PHKB: variants seen among roughly 807,000 people sequenced by gnomAD.
PHKB encodes phosphorylase kinase regulatory subunit beta, also known as phosphorylase b kinase regulatory subunit beta.
PHKB carries 122 observed loss-of-function variants against 152.1 expected under a neutral mutation model. The observed-to-expected ratio is 0.80, with a 90% confidence interval of 0.69 to 0.93. The LOEUF is 0.93. PHKB is among the 40% of genes least tolerant of loss of function. The pLI is 0.00. For synonymous variants in PHKB, 436 were observed against 464.9 expected, an observed-to-expected ratio of 0.94 and a Z score of 0.80; for missense variants, 1,304 against 1,328.4, an observed-to-expected ratio of 0.98 and a Z score of 0.29.
At chr16:47,491,258 A>T (rs145729204) in intron 1 of PHKB, among the ~76,000 whole-genome samples, 2 of 152,124 alleles carry the variant, frequency 1.3e-5, no homozygotes, top group Non-Finnish European at 2.9e-5. Flanking sequence ...AAGGAAGTAT[A>T]TGTCCCTTAC....
At chr16:47,607,899 C>A (rs1017050835) in intron 13 of PHKB, among the ~76,000 whole-genome samples, 3 of 151,964 alleles carry the variant, frequency 2.0e-5, no homozygotes, top group Non-Finnish European at 2.9e-5. Flanking sequence ...GAAGTGATAC[C>A]TCATTGTGGT....
At chr16:47,629,734 T>C (rs964975381) in intron 14 of PHKB, among the ~76,000 whole-genome samples, 6 of 152,332 alleles carry the variant, frequency 3.9e-5, no homozygotes, top group African/African-American at 1.4e-4. Flanking sequence ...CGTATGTTTA[T>C]TGCGGCATTA....
chr16:47,500,039 A>G, intron 3 of PHKB, 145 bp downstream of exon 3: 1 of 880,088 alleles, frequency 1.1e-6, no homozygotes, highest in East Asian at 2.4e-5. Context: ...TTAGGCCTCT[A>G]AACCTTTTCA....
intron 14 of PHKB, among the ~76,000 whole-genome samples, chr16:47,636,209 G>A (rs1170031791): frequency 2.0e-5 from 3 of 152,228 alleles, no homozygotes; most frequent in African/African-American, 7.2e-5. Context: ...AGTTTAAAAT[G>A]TGGGAACTAG....
At chr16:47,464,550 C>T (rs1969634187) in intron 1 of PHKB, among the ~76,000 whole-genome samples, 1 of 152,052 alleles carries the variant, frequency 6.6e-6, no homozygotes, top group South Asian at 2.1e-4. Context: ...TGTTGATGCA[C>T]CCCTTTGAGA....
At chr16:47,596,964 T>C (rs985907827) in intron 13 of PHKB, among the ~76,000 whole-genome samples, 1 of 152,142 alleles carries the variant, frequency 6.6e-6, no homozygotes, top group Non-Finnish European at 1.5e-5. Context: ...TATTGGCAAT[T>C]TTAGTTGGAG....
At chr16:47,696,996 G>A (rs1046061696) in intron 29 of PHKB, among the ~76,000 whole-genome samples, 4 of 152,214 alleles carry the variant, frequency 2.6e-5, no homozygotes, top group African/African-American at 4.8e-5. Flanking sequence ...TATGTGCAGA[G>A]AAGACATGTC....
intron 13 of PHKB, among the ~76,000 whole-genome samples, chr16:47,599,706 G>A (rs1972186878): frequency 6.6e-6 from 1 of 152,178 alleles, no homozygotes; most frequent in Admixed American, 6.5e-5. Context: ...TTCTGAAAAG[G>A]CAGTGAGAAC....
chr16:47,633,864 A>C (rs1194682223), intron 14 of PHKB, among the ~76,000 whole-genome samples: 1 of 152,220 alleles, frequency 6.6e-6, no homozygotes, highest in Non-Finnish European at 1.5e-5. Context: ...TCTGTTTACT[A>C]ACTCTTCTCT....
chr16:47,620,657 C>T (rs1972601585), intron 14 of PHKB, among the ~76,000 whole-genome samples: 1 of 152,040 alleles, frequency 6.6e-6, no homozygotes, highest in African/African-American at 2.4e-5. Context: ...AAGTGGATCA[C>T]GAGGTCAGGA....
chr16:47,573,424 G>T (rs1302516908), intron 7 of PHKB, among the ~76,000 whole-genome samples: 1 of 152,144 alleles, frequency 6.6e-6, no homozygotes, highest in Non-Finnish European at 1.5e-5. Flanking sequence ...TGGCCACTGG[G>T]GTAATGTTCC....
chr16:47,562,724 T>G (rs891332991), intron 7 of PHKB, among the ~76,000 whole-genome samples: 1 of 152,198 alleles, frequency 6.6e-6, no homozygotes, highest in Non-Finnish European at 1.5e-5. Context: ...TGACACTTTC[T>G]CAAAATAAGA....
intron 1 of PHKB, among the ~76,000 whole-genome samples, chr16:47,481,165 C>A (rs1969957555): frequency 6.6e-6 from 1 of 152,100 alleles, no homozygotes; most frequent in East Asian, 1.9e-4. Context: ...TTTAGTTAGG[C>A]ATGACGGTTG....
chr16:47,463,679 A>G (rs1251700735), intron 1 of PHKB: 1 of 502,764 alleles, frequency 2.0e-6, no homozygotes, highest in South Asian at 2.1e-5. Flanking sequence ...TAATAAGTGG[A>G]TATTATATAG....
intron 26 of PHKB, among the ~76,000 whole-genome samples, chr16:47,672,722 C>T (rs2142082891): frequency 6.6e-6 from 1 of 152,212 alleles, no homozygotes; most frequent in East Asian, 1.9e-4. Context: ...TCATGTAATT[C>T]CCTTTCTTGA....
chr16:47,489,236 A>G (rs1019698441), intron 1 of PHKB, among the ~76,000 whole-genome samples: 1 of 152,114 alleles, frequency 6.6e-6, no homozygotes, highest in Non-Finnish European at 1.5e-5. Flanking sequence ...TATTTTTAGT[A>G]GAGATGGGGT....
At chr16:47,645,023 G>T (rs1367039097) in intron 16 of PHKB, among the ~76,000 whole-genome samples, 1 of 152,198 alleles carries the variant, frequency 6.6e-6, no homozygotes, top group Non-Finnish European at 1.5e-5. Flanking sequence ...AATATACCAA[G>T]ATTTCTTGAA....
At chr16:47,595,092 T>G (rs1314342339) in intron 12 of PHKB, among the ~76,000 whole-genome samples, 2 of 152,262 alleles carry the variant, frequency 1.3e-5, no homozygotes, top group Non-Finnish European at 2.9e-5. Flanking sequence ...AAATAATCAC[T>G]TGTCCAATGT....
chr16:47,517,825 A>G (rs1466111471), intron 6 of PHKB, among the ~76,000 whole-genome samples: 1 of 152,058 alleles, frequency 6.6e-6, no homozygotes, highest in East Asian at 1.9e-4. Context: ...TGAAGTTTTT[A>G]TGCAGCTAAT....
Sources: allele counts gnomAD v4.1 joint callset (sites outside exome capture counted in the v4.1 genomes callset), GRCh38; gene constraint gnomAD v4.1.1; transcripts MANE v1.5; gene names NCBI Gene and HGNC (gene_info 2026-07-23, HGNC 2026-07-21).